The following BSN variants were observed in gnomAD, a reference collection of about 807,000 sequenced individuals.
The protein encoded by BSN is bassoon presynaptic cytomatrix protein, also known as protein bassoon.
BSN carries 57 observed loss-of-function variants against 264.8 expected under a neutral mutation model. That is an observed-to-expected ratio of 0.22 (90% CI 0.17 to 0.27). BSN has a LOEUF of 0.27. Among genes scored for constraint, BSN ranks in the 10% least tolerant of loss-of-function variants. The pLI is 1.00. For missense variants in BSN, 4,615 were observed against 5,232.5 expected, an observed-to-expected ratio of 0.88 and a Z score of 3.64; for synonymous variants, 2,059 against 2,137.3, an observed-to-expected ratio of 0.96 and a Z score of 1.01.
Position 49,662,466 on chromosome 3 carries a change from C to T in BSN, c.10621C>T (p.Gln3541Ter). Reference protein sequence around the residue: ...FCSSHSMPDVQEHVKDGPRAH... With the variant: ...FCSSHSMPDV Reference sequence around the variant, plus strand: ...CTCCAGCCACTCCATGCCTGATGTCCAGGAACATGTCAAGGACGGACCTCG... The same window carrying T: ...CTCCAGCCACTCCATGCCTGATGTCTAGGAACATGTCAAGGACGGACCTCG... Residue 3541 changes from glutamine to a stop codon, truncating the protein, a stop_gained, in exon 6 of 12, where the codon CAG becomes TAG. Coordinates refer to ENST00000296452, the MANE Select transcript of BSN (RefSeq NM_003458.4). LOFTEE classifies it high-confidence loss of function. 1 of 1,613,730 alleles carries T rather than the reference C, an allele frequency of 6.2e-7. No homozygotes were observed. Among genetic ancestry groups the T allele is most frequent in the Non-Finnish European group, 8.5e-7 (1 of 1,180,034 alleles).
At chr3:49,584,549 A>G (rs2051919936) in intron 1 of BSN, among the ~76,000 whole-genome samples, 1 of 152,112 alleles carries the variant, frequency 6.6e-6, no homozygotes, top group Non-Finnish European at 1.5e-5. Flanking sequence ...ATGTTTTGAT[A>G]CAGGCATGCA....
intron 1 of BSN, among the ~76,000 whole-genome samples, chr3:49,592,021 A>G (rs1400429581): frequency 1.3e-5 from 2 of 152,188 alleles, no homozygotes; most frequent in Admixed American, 6.5e-5. Flanking sequence ...CACAATTTTT[A>G]AAAACTGACA....
intron 2 of BSN, among the ~76,000 whole-genome samples, chr3:49,640,331 T>C (rs1308766927): frequency 1.3e-5 from 2 of 152,188 alleles, no homozygotes; most frequent in Non-Finnish European, 2.9e-5. Context: ...ACATGTTGTG[T>C]GCAGCCCTGA....
chr3:49,662,530 A>T lies in BSN; in HGVS notation c.10685A>T (p.Asp3562Val), dbSNP rs2052669785. The T allele has an allele frequency of 3.1e-6, 5 of 1,599,988 alleles. No homozygotes were observed. The highest frequency in any genetic ancestry group is 3.4e-6 in the Non-Finnish European group (4 of 1,172,868). Residue 3562 changes from aspartate (D) to valine (V), a missense_variant, in exon 6 of 12, where the codon GAT becomes GTT. By Grantham distance (152) the Asp-to-Val change is radical (BLOSUM62 -3). Transcript: ENST00000296452. ...AYKREEGYIL[D>V]DSHCVVSDSE... ...AAGCGTGAGGAGGGCTACATCCTGG[A>T]TGATTCCCATTGCGTGGTTTCCGAC...
At chr3:49,648,182 C>T (rs1160664076) in intron 3 of BSN, among the ~76,000 whole-genome samples, 2 of 152,264 alleles carry the variant, frequency 1.3e-5, no homozygotes, top group Non-Finnish European at 2.9e-5. Context: ...TTCCTCCATC[C>T]AGACTACCCT....
chr3:49,656,963 G>A lies in BSN; in HGVS notation c.7407G>A (p.Gln2469=). ...AGCTGCAGCAGCAGCTAGAGGAGCA[G>A]AAGCAGCGGCAGAAGGCTCCCTTTC... The part of the protein sequence containing the change: ...QQQLQQQLEE[Q]KQRQKAPFPA... Residue 2469 remains glutamine (Q), a synonymous_variant, in exon 5 of 12, where the codon CAG becomes CAA. Transcript: ENST00000296452. 6.2e-7 allele frequency: 1 copy of A among 1,607,012 alleles called. No homozygotes were observed. Among genetic ancestry groups the A allele is most frequent in the Non-Finnish European group, 8.5e-7 (1 of 1,176,054 alleles).
At chr3:49,587,489 C>G (rs952378311) in intron 1 of BSN, among the ~76,000 whole-genome samples, 1 of 152,076 alleles carries the variant, frequency 6.6e-6, no homozygotes, top group Non-Finnish European at 1.5e-5. Flanking sequence ...GCATTTTGAA[C>G]AAAGAATTGG....
intron 1 of BSN, among the ~76,000 whole-genome samples, chr3:49,565,081 A>G (rs1012399917): frequency 6.7e-6 from 1 of 149,266 alleles, no homozygotes; most frequent in South Asian, 2.1e-4. Context: ...AACAATGATT[A>G]GCATTTTGCC....
rs781437225 is a variant in BSN at position 49,663,406 on chromosome 3, C to T, written c.11248C>T (p.Arg3750Trp). 19 of 1,612,742 alleles carry T rather than the reference C, an allele frequency of 1.2e-5. No individual in the cohort carries two copies. Among genetic ancestry groups the T allele is most frequent in the Non-Finnish European group, 1.5e-5 (18 of 1,180,000 alleles). ...EPQAQPQLQG[R>W]QAAPGPQQSQ... is the part of the protein sequence containing the mutation. ...CCAGGCGCAGCCGCAGCTGCAAGGT[C>T]GGCAGGCAGCTCCAGGACCACAGCA... is the stretch of plus-strand genomic sequence containing the variant. The change falls in exon 7 of 12, where the codon CGG becomes TGG. Residue 3750 changes from arginine to tryptophan, a missense_variant. Physicochemically the swap from Arg to Trp is moderately radical, Grantham distance 101 (BLOSUM62 -3). Around this residue, in one of 3 missense-constraint regions of BSN, gnomAD observed 3,415 missense variants for 3,866.4 expected, o/e 0.88. Transcript: ENST00000296452.
chr3:49,579,395 T>A (rs2051875761), intron 1 of BSN, among the ~76,000 whole-genome samples: 1 of 151,948 alleles, frequency 6.6e-6, no homozygotes, highest in East Asian at 1.9e-4. Flanking sequence ...TTTTCATAGA[T>A]GCGCTTTACA....
At chr3:49,639,921 C>T (rs2052447576) in intron 2 of BSN, among the ~76,000 whole-genome samples, 1 of 152,246 alleles carries the variant, frequency 6.6e-6, no homozygotes, top group Non-Finnish European at 1.5e-5. Flanking sequence ...CAGTGTTCTC[C>T]CTCTTCTTGG....
intron 1 of BSN, among the ~76,000 whole-genome samples, chr3:49,617,425 C>G (rs1024472932): frequency 1.3e-5 from 2 of 151,548 alleles, no homozygotes; most frequent in Non-Finnish European, 2.9e-5. Flanking sequence ...TCCTTTATGG[C>G]GGCACCCCTC....
rs554574775 is a variant in BSN at position 49,566,678 on chromosome 3, C to T, written c.224+11852C>T. Among the ~76,000 whole-genome samples the T allele has an allele frequency of 7.3e-5, 11 of 150,678 alleles. No homozygotes were observed. The South Asian group carries it at 8.4e-4, about 12-fold the overall frequency. ...GCACATGTCTGTGGTCCCAGCTACT[C>T]GGGAGGCTGAGGTGGGAAGATCACT... On this transcript the variant is annotated intron_variant, in intron 1 of 11. Transcript: ENST00000296452.
chr3:49,629,230 A>G (rs1282887795), intron 2 of BSN, among the ~76,000 whole-genome samples: 1 of 152,268 alleles, frequency 6.6e-6, no homozygotes, highest in East Asian at 1.9e-4. Context: ...GATTGGCATC[A>G]GTGCCTTTGC....
At chr3:49,574,164 C>T (rs368668815) in intron 1 of BSN, among the ~76,000 whole-genome samples, 6 of 111,838 alleles carry the variant, frequency 5.4e-5, no homozygotes, top group African/African-American at 1.3e-4. Context: ...GATGGGGTTT[C>T]GCCATGTTGC....
rs2051873084 is a variant in BSN at position 49,579,141 on chromosome 3, C to G, written c.224+24315C>G. Among the ~76,000 whole-genome samples, 4 of 152,016 alleles carry G rather than the reference C, an allele frequency of 2.6e-5. No individual in the cohort carries two copies. The South Asian group carries it at 8.3e-4, about 32-fold the overall frequency. On this transcript the variant is annotated intron_variant, in intron 1 of 11. Coordinates refer to ENST00000296452, the MANE Select transcript of BSN (RefSeq NM_003458.4). ...CAGCTAGGACTACAGGCATGCACCA[C>G]CATGCCTGGCTAATTTTTTTTTTTT...
Position 49,652,978 on chromosome 3 carries a change from G to C in BSN, c.3422G>C (p.Gly1141Ala). The stretch of plus-strand genomic sequence containing the variant: ...GACTCTGAGGCTGAGGCCTTGGATG[G>C]TGGCCCTAGCCGGCTTTACAAGTCA... ...SLDSEAEALD[G>A]GPSRLYKSGS... is the part of the protein sequence containing the mutation. Residue 1141 changes from glycine to alanine, a missense_variant, in exon 5 of 12, where the codon GGT becomes GCT. Transcript: ENST00000296452. 1 of 1,613,072 alleles carries C rather than the reference G, an allele frequency of 6.2e-7. No homozygotes were observed. Among genetic ancestry groups the C allele is most frequent in the Non-Finnish European group, 8.5e-7 (1 of 1,179,624 alleles).
chr3:49,579,319 A>G (rs2051874968), intron 1 of BSN, among the ~76,000 whole-genome samples: 1 of 151,798 alleles, frequency 6.6e-6, no homozygotes, highest in African/African-American at 2.4e-5. Context: ...TTGCCCAGTG[A>G]TATTTCATTG....
chr3:49,590,135 C>T lies in BSN; in HGVS notation c.225-34840C>T, dbSNP rs553560870. On this transcript the variant is annotated intron_variant, in intron 1 of 11. Transcript: ENST00000296452. ...ACAGGTGTGAACCACCACGCCCCGCCAAATCTTCATTTTCAATAACATTTG... is the reference window on the plus strand; with the variant it reads ...ACAGGTGTGAACCACCACGCCCCGCTAAATCTTCATTTTCAATAACATTTG... Among the ~76,000 whole-genome samples the T allele has an allele frequency of 8.5e-5, 13 of 152,276 alleles. No individual in the cohort carries two copies. In the East Asian group the frequency reaches 2.5e-3, roughly 29 times the overall value.
Sources: gnomAD v4.1 joint callset for allele counts (sites outside exome capture counted in the v4.1 genomes callset) on GRCh38, gnomAD v4.1.1 for gene constraint, gnomAD v4.1.1 regional missense constraint, MANE v1.5 for transcripts, NCBI Gene and HGNC (gene_info 2026-07-23, HGNC 2026-07-21) for gene names.